The following GRM5 variants were observed in gnomAD, a reference collection of about 807,000 sequenced individuals.
GRM5 encodes metabotropic glutamate receptor 5.
In GRM5, 19 loss-of-function variants were observed where a neutral mutation model predicts 83.1. The ratio of observed to expected loss-of-function variants is 0.23; its 90% confidence interval spans 0.16 to 0.34. The LOEUF (loss-of-function observed/expected upper bound fraction) is 0.34, where lower values mean the gene tolerates loss of function less well. Among genes scored for constraint, GRM5 ranks in the 10% least tolerant of loss-of-function variants. GRM5 has a pLI of 1.00. For synonymous variants in GRM5, 675 were observed against 633.6 expected, an observed-to-expected ratio of 1.07 and a Z score of -0.98; for missense variants, 1,160 against 1,588.3, an observed-to-expected ratio of 0.73 and a Z score of 4.58.
At chr11:88,737,038 T>A (rs551298066) in intron 3 of GRM5, among the ~76,000 whole-genome samples, 32 of 152,180 alleles carry the variant, frequency 2.1e-4, no homozygotes, top group African/African-American at 7.5e-4. Flanking sequence ...TTATAGAATC[T>A]AGGATTAGGA....
chr11:88,683,037 C>T (rs1299170662), intron 3 of GRM5, among the ~76,000 whole-genome samples: 2 of 152,058 alleles, frequency 1.3e-5, no homozygotes, highest in East Asian at 3.9e-4. Flanking sequence ...TTTCTTAACT[C>T]ATAACAGAAA....
chr11:88,993,932 G>C (rs2135054316), intron 2 of GRM5, among the ~76,000 whole-genome samples: 1 of 152,176 alleles, frequency 6.6e-6, no homozygotes, highest in Non-Finnish European at 1.5e-5. Flanking sequence ...TGCCCAGGCT[G>C]GTCTCAAGCT....
At chr11:88,963,296 C>T (rs1376679928) in intron 2 of GRM5, among the ~76,000 whole-genome samples, 11 of 152,160 alleles carry the variant, frequency 7.2e-5, no homozygotes, top group Admixed American at 7.2e-4. Context: ...TTTATTATGC[C>T]TTTCTAATAG....
chr11:88,953,647 C>T (rs1296618822), intron 2 of GRM5, among the ~76,000 whole-genome samples: 2 of 152,134 alleles, frequency 1.3e-5, no homozygotes, highest in Admixed American at 1.3e-4. Context: ...CAGTCGCTAT[C>T]AGAAAAGCAC....
Position 88,506,741 on chromosome 11 carries a change from C to G in GRM5, c.*1851G>C, listed in dbSNP as rs1033436276. On this transcript the variant is annotated 3_prime_UTR_variant, in exon 10 of 10. Coordinates refer to ENST00000305447, the MANE Select transcript of GRM5 (RefSeq NM_001143831.3). The stretch of plus-strand genomic sequence containing the variant: ...CAAATAGCAGAAAAGAAAACTCAAG[C>G]AGAATATTTATTAGAATTTTTTAAA... 2.0e-5 allele frequency: 3 copies of G among 151,858 alleles called. No homozygotes were observed. The highest frequency in any genetic ancestry group is 2.1e-4 in the South Asian group (1 of 4,812). The allele number at this position is 151,858 out of a possible 1,614,324, so 9.4% of individuals were successfully genotyped here.
intron 4 of GRM5, among the ~76,000 whole-genome samples, chr11:88,620,336 T>C (rs557390020): frequency 1.4e-4 from 21 of 152,312 alleles, no homozygotes; most frequent in African/African-American, 4.8e-4. Flanking sequence ...CCTCTAAACA[T>C]ATCATGGGAT....
intron 2 of GRM5, among the ~76,000 whole-genome samples, chr11:88,986,920 G>A (rs1309037370): frequency 6.6e-6 from 1 of 152,002 alleles, no homozygotes; most frequent in African/African-American, 2.4e-5. Flanking sequence ...TGGCATGGTG[G>A]CTCATGCCTG....
chr11:88,591,548 A>G (rs1937640060), intron 6 of GRM5, among the ~76,000 whole-genome samples: 1 of 152,246 alleles, frequency 6.6e-6, no homozygotes, highest in African/African-American at 2.4e-5. Context: ...GTTCTTTTAA[A>G]TAATTAAAAC....
At chr11:89,036,228 T>C (rs913190825) in intron 2 of GRM5, among the ~76,000 whole-genome samples, 1 of 151,950 alleles carries the variant, frequency 6.6e-6, no homozygotes, top group Non-Finnish European at 1.5e-5. Flanking sequence ...ATATCACCAA[T>C]TGGAGGAGGA....
Position 88,506,358 on chromosome 11 carries a change from T to C in GRM5, c.*2234A>G, listed in dbSNP as rs1941183233. The C allele has an allele frequency of 6.6e-6, 1 of 152,174 alleles. No homozygotes were observed. Among genetic ancestry groups the C allele is most frequent in the African/African-American group, 2.4e-5 (1 of 41,438 alleles). The allele number at this position is 152,174 out of a possible 1,614,324, so 9.4% of individuals were successfully genotyped here. A position where few individuals can be genotyped will look rare whatever the true frequency, so the allele number is the denominator to read the frequency against. ...CAACATAAGGATTTTATAAAACAAA[T>C]TTTAAAATGTAGAGCATATCAAGAA... On this transcript the variant is annotated 3_prime_UTR_variant, in exon 10 of 10. Coordinates refer to ENST00000305447, the MANE Select transcript of GRM5 (RefSeq NM_001143831.3).
intron 4 of GRM5, among the ~76,000 whole-genome samples, chr11:88,649,644 G>GA (rs548628531): frequency 0.011 from 1,625 of 150,364 alleles, 29 homozygotes; most frequent in African/African-American, 0.037. Context: ...CATTTTTTAA[G>GA]AAAAAAATAA....
At position 89,058,407 on chromosome 11, in the gene GRM5, G is replaced by A. The variant is rs138092627; in HGVS notation, c.-201+7369C>T. Among the ~76,000 whole-genome samples the A allele has an allele frequency of 4.1e-3, 618 of 152,206 alleles. 3 individuals carry two copies. Among genetic ancestry groups the A allele is most frequent in the African/African-American group, 0.011 (470 of 41,548 alleles). On this transcript the variant is annotated intron_variant, in intron 1 of 9. Transcript: ENST00000305447. Reference sequence around the variant, plus strand: ...CCTCCCAGCTCTGATAAACAAATACGTCCTCAGATATTAGCAAATGTCGCC... The same window carrying A: ...CCTCCCAGCTCTGATAAACAAATACATCCTCAGATATTAGCAAATGTCGCC...
chr11:88,966,784 A>G (rs1938981630), intron 2 of GRM5, among the ~76,000 whole-genome samples: 1 of 152,114 alleles, frequency 6.6e-6, no homozygotes, highest in African/African-American at 2.4e-5. Flanking sequence ...TACGTTCTCT[A>G]TGTGGAAGGA....
intron 3 of GRM5, among the ~76,000 whole-genome samples, chr11:88,842,630 A>T (rs2135532022): frequency 1.3e-5 from 2 of 152,162 alleles, no homozygotes; most frequent in Admixed American, 1.3e-4. Flanking sequence ...GGATGACACA[A>T]CACTCTTGGT....
At chr11:88,531,993 A>G (rs949330231) in intron 8 of GRM5, among the ~76,000 whole-genome samples, 5 of 152,112 alleles carry the variant, frequency 3.3e-5, no homozygotes, top group Non-Finnish European at 7.4e-5. Context: ...TTATATGTGT[A>G]GAAACCACAG....
At chr11:88,920,377 T>A (rs1945668224) in intron 2 of GRM5, among the ~76,000 whole-genome samples, 3 of 125,366 alleles carry the variant, frequency 2.4e-5, no homozygotes, top group Admixed American at 8.0e-5. Context: ...CAATAACAAG[T>A]AAGAAGATTA....
chr11:88,810,895 T>C (rs1943578331), intron 3 of GRM5, among the ~76,000 whole-genome samples: 1 of 152,094 alleles, frequency 6.6e-6, no homozygotes, highest in Admixed American at 6.6e-5. Flanking sequence ...ATGTCACAAC[T>C]TAAGAGAAAC....
intron 3 of GRM5, among the ~76,000 whole-genome samples, chr11:88,815,780 C>T (rs528416294): frequency 1.0e-3 from 152 of 152,302 alleles, no homozygotes; most frequent in Non-Finnish European, 1.9e-3. Flanking sequence ...CATGAGGAAT[C>T]GGTTCCCATA....
chr11:88,912,112 T>A (rs1196911611), intron 2 of GRM5: 2 of 437,676 alleles, frequency 4.6e-6, no homozygotes, highest in Admixed American at 5.5e-5. Flanking sequence ...AATGACCAAA[T>A]GAAGAGTATT....
Sources: allele counts gnomAD v4.1 joint callset (sites outside exome capture counted in the v4.1 genomes callset), GRCh38; gene constraint gnomAD v4.1.1; transcripts MANE v1.5; gene names NCBI Gene and HGNC (gene_info 2026-07-23, HGNC 2026-07-21).